CYTH1: variants seen among roughly 807,000 people sequenced by gnomAD.
CYTH1 encodes cytohesin 1.
Under a neutral mutation model 61.8 loss-of-function variants are expected in CYTH1, and 18 were observed. The observed-to-expected ratio is 0.29, with a 90% confidence interval of 0.20 to 0.43. CYTH1 has a LOEUF of 0.43. CYTH1 is among the 20% of genes least tolerant of loss of function. The pLI, the probability that CYTH1 is intolerant of heterozygous loss-of-function variation, is 1.00. For missense variants in CYTH1, 336 were observed against 510.5 expected, an observed-to-expected ratio of 0.66 and a Z score of 3.29; for synonymous variants, 174 against 184.3, an observed-to-expected ratio of 0.94 and a Z score of 0.45.
intron 3 of CYTH1, among the ~76,000 whole-genome samples, chr17:78,705,977 A>C (rs780057797): frequency 6.6e-6 from 1 of 152,210 alleles, no homozygotes; most frequent in Non-Finnish European, 1.5e-5. Context: ...CGGAATATAC[A>C]GAAAGGAAAC....
At position 78,675,177 on chromosome 17, in the gene CYTH1, G is replaced by C. The variant is rs2092684778; in HGVS notation, c.*914C>G. 6.6e-6 allele frequency: 1 copy of C among 152,208 alleles called. No individual in the cohort carries two copies. Among genetic ancestry groups the C allele is most frequent in the Non-Finnish European group, 1.5e-5 (1 of 68,044 alleles). 9.4% of individuals were successfully genotyped at this position (152,208 alleles called of 1,614,324 possible). A position where few individuals can be genotyped will look rare whatever the true frequency, so the allele number is the denominator to read the frequency against. Reference sequence around the variant, plus strand: ...TCCCGATAACCTTCCTCACAGTTTTGGTTATTAGGTATTTAGCTCAAGGAA... The same window carrying C: ...TCCCGATAACCTTCCTCACAGTTTTCGTTATTAGGTATTTAGCTCAAGGAA... On this transcript the variant is annotated 3_prime_UTR_variant, in exon 14 of 14. Transcript: ENST00000446868.
chr17:78,739,024 T>G (rs148118853), intron 1 of CYTH1, among the ~76,000 whole-genome samples: 7 of 152,370 alleles, frequency 4.6e-5, no homozygotes, highest in Non-Finnish European at 7.3e-5. Context: ...TCGTTGTTGT[T>G]GGTCATTTGC....
intron 1 of CYTH1, among the ~76,000 whole-genome samples, chr17:78,727,079 C>T (rs756605561): frequency 7.2e-5 from 11 of 152,198 alleles, no homozygotes; most frequent in Non-Finnish European, 1.3e-4. Flanking sequence ...ATTTCTAAAG[C>T]GGAAAATGAG....
At chr17:78,688,827 T>C (rs1048345592) in intron 11 of CYTH1, among the ~76,000 whole-genome samples, 1 of 152,196 alleles carries the variant, frequency 6.6e-6, no homozygotes, top group Non-Finnish European at 1.5e-5. Context: ...TTCTACAAAG[T>C]GGGCTTGGCG....
chr17:78,684,677 T>C (rs2092798130), intron 11 of CYTH1, among the ~76,000 whole-genome samples: 1 of 152,214 alleles, frequency 6.6e-6, no homozygotes, highest in South Asian at 2.1e-4. Context: ...TAGGTGAAGA[T>C]ATTTTGTGTG....
intron 1 of CYTH1, among the ~76,000 whole-genome samples, chr17:78,754,040 T>C (rs2144683063): frequency 6.6e-6 from 1 of 152,254 alleles, no homozygotes; most frequent in African/African-American, 2.4e-5. Context: ...CTCCTCTAGA[T>C]ACACGTGGAG....
At chr17:78,724,338 T>C (rs961957390) in intron 1 of CYTH1, among the ~76,000 whole-genome samples, 3 of 152,172 alleles carry the variant, frequency 2.0e-5, no homozygotes, top group African/African-American at 7.2e-5. Flanking sequence ...CACACAGCTT[T>C]TGACTAAGAA....
chr17:78,744,146 T>C (rs1332642063), intron 1 of CYTH1, among the ~76,000 whole-genome samples: 1 of 152,190 alleles, frequency 6.6e-6, no homozygotes, highest in Non-Finnish European at 1.5e-5. Context: ...TTTCACTCGC[T>C]CTCTGTATCT....
intron 1 of CYTH1, among the ~76,000 whole-genome samples, chr17:78,724,740 T>G (rs2093256259): frequency 6.6e-6 from 1 of 152,292 alleles, no homozygotes; most frequent in South Asian, 2.1e-4. Context: ...AGGAAATCAG[T>G]CATGGAAGGC....
At chr17:78,693,669 G>A (rs952842777) in intron 10 of CYTH1, among the ~76,000 whole-genome samples, 8 of 151,646 alleles carry the variant, frequency 5.3e-5, no homozygotes, top group African/African-American at 1.5e-4. Context: ...GGTTGGGGCC[G>A]TGAAGTTATG....
intron 3 of CYTH1, among the ~76,000 whole-genome samples, chr17:78,707,712 C>T (rs560210590): frequency 9.4e-5 from 14 of 148,210 alleles, no homozygotes; most frequent in Admixed American, 4.0e-4. Context: ...GACGGAGTCT[C>T]GCTCTGTCAC....
chr17:78,683,567 G>A lies in CYTH1; in HGVS notation c.892-2525C>T, dbSNP rs59734349. On this transcript the variant is annotated intron_variant, in intron 11 of 13. Coordinates refer to ENST00000446868, the MANE Select transcript of CYTH1 (RefSeq NM_004762.6). The stretch of plus-strand genomic sequence containing the variant: ...CCTGTGGTTCTGAGAGCTGAGTGAG[G>A]AGAAGCTGGGGGTGGGAGAAGTCCT... 6.0e-3 allele frequency among the ~76,000 whole-genome samples: 915 copies of A among 152,314 alleles called. 45 individuals are homozygous for A. In the East Asian group the frequency reaches 0.12, roughly 20 times the overall value.
At chr17:78,711,372 T>C (rs909200158) in intron 1 of CYTH1, among the ~76,000 whole-genome samples, 3 of 151,778 alleles carry the variant, frequency 2.0e-5, no homozygotes, top group African/African-American at 7.3e-5. Flanking sequence ...AAAATGACTT[T>C]TTAATAATAT....
At chr17:78,702,736 G>A (rs1419703068) in intron 3 of CYTH1, 132 bp from the exon 4 acceptor site, 4 of 970,184 alleles carry the variant, frequency 4.1e-6, no homozygotes, top group East Asian at 2.5e-5. Context: ...ATAATCTGGT[G>A]GAACTATGAA....
chr17:78,693,564 T>C (rs2092909756), intron 10 of CYTH1, among the ~76,000 whole-genome samples: 1 of 147,918 alleles, frequency 6.8e-6, no homozygotes, highest in Non-Finnish European at 1.5e-5. Context: ...GAGGTTGCAG[T>C]GAGCCAAGAT....
chr17:78,724,176 A>G (rs1158876601), intron 1 of CYTH1: 1 of 152,186 alleles, frequency 6.6e-6, no homozygotes, highest in Non-Finnish European at 1.5e-5. Flanking sequence ...ATATGGCTAC[A>G]GCCTGAGGAT....
At chr17:78,762,674 G>A (rs2093433582) in intron 1 of CYTH1, among the ~76,000 whole-genome samples, 1 of 152,240 alleles carries the variant, frequency 6.6e-6, no homozygotes, top group South Asian at 2.1e-4. Context: ...TATCCAAGTG[G>A]GCACACGGAT....
At chr17:78,678,911 C>T (rs1030442253) in intron 13 of CYTH1, among the ~76,000 whole-genome samples, 18 of 152,376 alleles carry the variant, frequency 1.2e-4, no homozygotes, top group African/African-American at 4.3e-4. Flanking sequence ...CTCAGCGCAG[C>T]GTGACCTGGC....
At chr17:78,721,198 C>T (rs924997766) in intron 1 of CYTH1, among the ~76,000 whole-genome samples, 21 of 152,228 alleles carry the variant, frequency 1.4e-4, no homozygotes, top group African/African-American at 5.1e-4. Flanking sequence ...GGCGTGGTGG[C>T]ATGCAGCTGT....
Sources: allele counts gnomAD v4.1 joint callset (sites outside exome capture counted in the v4.1 genomes callset), GRCh38; gene constraint gnomAD v4.1.1; transcripts MANE v1.5; gene names NCBI Gene and HGNC (gene_info 2026-07-23, HGNC 2026-07-21).